The following NEK10 variants were observed in gnomAD, a reference collection of about 807,000 sequenced individuals.
The protein encoded by NEK10 is serine/threonine-protein kinase Nek10.
A neutral mutation model predicts 159.8 loss-of-function variants in NEK10; 122 were observed. The ratio of observed to expected loss-of-function variants is 0.76; its 90% CI spans 0.66 to 0.89. The LOEUF is 0.89. Ranked by LOEUF, NEK10 falls within the 40% of genes least tolerant of loss-of-function variation. The pLI is 0.00. For synonymous variants in NEK10, 466 were observed against 457.1 expected (o/e 1.02, Z -0.25); for missense variants, 1,342 against 1,323.1 (o/e 1.01, Z -0.22).
At chr3:27,262,666 T>C (rs1424600724) in intron 22 of NEK10, among the ~76,000 whole-genome samples, 1 of 152,254 alleles carries the variant, frequency 6.6e-6, no homozygotes, top group Non-Finnish European at 1.5e-5. Flanking sequence ...TTCTCGTGCC[T>C]TGGTTTTCAG....
chr3:27,260,793 A>G (rs1695844239), intron 22 of NEK10, among the ~76,000 whole-genome samples: 1 of 152,156 alleles, frequency 6.6e-6, no homozygotes. Context: ...TTCAGAAGGA[A>G]TGGTACCAGC....
At chr3:27,271,934 A>G (rs1295850919) in intron 22 of NEK10, among the ~76,000 whole-genome samples, 1 of 152,142 alleles carries the variant, frequency 6.6e-6, no homozygotes, top group Non-Finnish European at 1.5e-5. Flanking sequence ...TAGCATGTTT[A>G]CACTATAGCC....
At chr3:27,361,231 C>A (rs997347766) in intron 1 of NEK10, among the ~76,000 whole-genome samples, 3 of 152,086 alleles carry the variant, frequency 2.0e-5, no homozygotes, top group Admixed American at 1.3e-4. Context: ...TCTGTGGATC[C>A]CCTCCATTGT....
chr3:27,264,543 A>C (rs183545520), intron 22 of NEK10, among the ~76,000 whole-genome samples: 2 of 152,342 alleles, frequency 1.3e-5, no homozygotes, highest in African/African-American at 4.8e-5. Flanking sequence ...AGTATGCAAT[A>C]TATCCATGTA....
At chr3:27,344,136 T>C (rs2047386772) in intron 5 of NEK10, 136 bp downstream of exon 5, 1 of 528,020 alleles carries the variant, frequency 1.9e-6, no homozygotes, top group Non-Finnish European at 3.3e-6. Context: ...TCATCTGTAA[T>C]GCCTACTCAT....
At chr3:27,242,409 G>A (rs149059815) in intron 23 of NEK10, among the ~76,000 whole-genome samples, 223 of 152,266 alleles carry the variant, frequency 1.5e-3, no homozygotes, top group African/African-American at 5.2e-3. Context: ...ACAACCCTAT[G>A]TTGTAGAAAT....
chr3:27,128,667 CTT>C (rs2125499636), intron 32 of NEK10, among the ~76,000 whole-genome samples: 1 of 151,434 alleles, frequency 6.6e-6, no homozygotes, highest in African/African-American at 2.4e-5. Context: ...ATTATGAACT[CTT>C]GGGTTTAAAC....
chr3:27,148,725 G>C (rs561453841), intron 30 of NEK10, among the ~76,000 whole-genome samples: 32 of 152,244 alleles, frequency 2.1e-4, no homozygotes, highest in Admixed American at 1.2e-3. Flanking sequence ...CCCAAGTCAT[G>C]CTGACCTACC....
intron 30 of NEK10, among the ~76,000 whole-genome samples, chr3:27,150,214 C>T (rs543753710): frequency 5.8e-4 from 89 of 152,240 alleles, no homozygotes; most frequent in African/African-American, 2.0e-3. Context: ...GAAGTTGCAG[C>T]AAGGTAAGAT....
intron 23 of NEK10, among the ~76,000 whole-genome samples, chr3:27,231,650 TGAAACTGGA>T (rs1398409195): frequency 1.3e-5 from 2 of 151,778 alleles, no homozygotes; most frequent in African/African-American, 4.8e-5. Context: ...CAATTAGCAA[TGAAACTGGA>T]GACATTACAA....
chr3:27,242,794 C>T (rs1385814096), intron 23 of NEK10, among the ~76,000 whole-genome samples: 4 of 152,138 alleles, frequency 2.6e-5, no homozygotes, highest in Non-Finnish European at 4.4e-5. Flanking sequence ...ATAGATGTGG[C>T]CTTCCTGGAA....
At chr3:27,264,644 C>T (rs111545217) in intron 22 of NEK10, among the ~76,000 whole-genome samples, 5,107 of 152,186 alleles carry the variant, frequency 0.034, 289 homozygotes, top group African/African-American at 0.12. Context: ...GTAATCCCAG[C>T]GCTTTGGGAG....
At chr3:27,215,866 T>C (rs1951470280) in intron 23 of NEK10, 1 of 716,384 alleles carries the variant, frequency 1.4e-6, no homozygotes, top group Non-Finnish European at 2.6e-6. Flanking sequence ...AGAGCGAAGG[T>C]AGAGGTGCTG....
chr3:27,123,583 G>A (rs1421168764), intron 32 of NEK10, among the ~76,000 whole-genome samples: 1 of 152,064 alleles, frequency 6.6e-6, no homozygotes, highest in Admixed American at 6.6e-5. Flanking sequence ...CACATTAATG[G>A]ATAAAAATTA....
At chr3:27,209,362 G>A (rs1174236731) in intron 23 of NEK10, among the ~76,000 whole-genome samples, 1 of 152,100 alleles carries the variant, frequency 6.6e-6, no homozygotes, top group Admixed American at 6.5e-5. Flanking sequence ...CACTATCTAT[G>A]GTTTTCTGCA....
chr3:27,197,704 T>G (rs1043437482), intron 25 of NEK10, among the ~76,000 whole-genome samples: 1 of 152,194 alleles, frequency 6.6e-6, no homozygotes, highest in South Asian at 2.1e-4. Flanking sequence ...CAGGATAATG[T>G]CATCTGCAAA....
rs566166428 is a variant in NEK10, at chr3:27,235,573, G to A, written c.2090+20723C>T. 7.2e-5 allele frequency among the ~76,000 whole-genome samples: 11 copies of A among 152,088 alleles called. No individual in the cohort carries two copies. In the East Asian group the frequency reaches 1.2e-3, roughly 16 times the overall value. ...AAACCCCAATGAGATGTCATCTCACGCCCATCACAATGGCTATCACTAAGA... is the reference window on the plus strand; with the variant it reads ...AAACCCCAATGAGATGTCATCTCACACCCATCACAATGGCTATCACTAAGA... On this transcript the variant is annotated intron_variant, in intron 23 of 35. Coordinates refer to ENST00000691995, the MANE Select transcript of NEK10 (RefSeq NM_001394966.1).
intron 22 of NEK10, among the ~76,000 whole-genome samples, chr3:27,262,564 C>T (rs1396036611): frequency 8.5e-5 from 13 of 152,150 alleles, no homozygotes; most frequent in African/African-American, 2.2e-4. Context: ...CTTCTCTTCT[C>T]GCTTCATTTC....
At chr3:27,266,427 TG>T (rs575905829) in intron 22 of NEK10, among the ~76,000 whole-genome samples, 245 of 152,326 alleles carry the variant, frequency 1.6e-3, no homozygotes, top group African/African-American at 5.5e-3. Context: ...CACCATTTGT[TG>T]GAAATAGTCC....
Sources: gnomAD v4.1 joint callset for allele counts (sites outside exome capture counted in the v4.1 genomes callset) on GRCh38, gnomAD v4.1.1 for gene constraint, MANE v1.5 for transcripts, NCBI Gene and HGNC (gene_info 2026-07-23, HGNC 2026-07-21) for gene names.